ZNF30: variants seen among roughly 807,000 people sequenced by gnomAD.
ZNF30 encodes the protein zinc finger protein 30 (KOX 28).
A neutral mutation model predicts 13.2 loss-of-function variants in ZNF30; 15 were observed. That is an observed-to-expected ratio of 1.13 (90% CI 0.76 to 1.75). The LOEUF is 1.75. Ranked by LOEUF, ZNF30 falls within the 40% of genes most tolerant of loss-of-function variation. The pLI, the probability that ZNF30 is intolerant of heterozygous loss-of-function variation, is 0.00. For synonymous variants in ZNF30, 223 were observed against 256.6 expected (o/e 0.87, Z 1.25); for missense variants, 726 against 757.0 (o/e 0.96, Z 0.48).
intron 4 of ZNF30, 101 bp downstream of exon 4, chr19:34,933,824 A>C (rs779161485): frequency 2.4e-6 from 2 of 817,518 alleles, no homozygotes; most frequent in Non-Finnish European, 2.0e-6. Context: ...TTTCCCTTCA[A>C]AGCCCTAGGG....
At chr19:34,935,700 G>GTTTTTTTTTTT (rs142285130) in intron 4 of ZNF30, among the ~76,000 whole-genome samples, 4 of 84,222 alleles carry the variant, frequency 4.7e-5, no homozygotes, top group Admixed American at 1.2e-4. Context: ...GTTGTCTATA[G>GTTTTTTTTTTT]TTTTTTTTTT....
At chr19:34,925,207 C>A (rs183555061), upstream of ZNF30, among the ~76,000 whole-genome samples, 41 of 139,842 alleles carry the variant, frequency 2.9e-4, 1 homozygote, top group Admixed American at 2.8e-3. Context: ...CTTTAGCTGT[C>A]CGCAGGCGGC....
chr19:34,944,422 T>C lies in ZNF30; in HGVS notation c.1456T>C (p.Cys486Arg), dbSNP rs747773107. Residue 486 changes from cysteine (C) to arginine (R), a missense_variant, in exon 5 of 5, where the codon TGT becomes CGT. By Grantham distance (180) the Cys-to-Arg change is radical. Transcript: ENST00000601142. ...TCATACTGATGTAAAGCCCTATGAA[T>C]GTAAGGAATGTGGAAAGACTTTTAG... ...KIHTDVKPYE[C>R]KECGKTFSRA... 1.7e-5 allele frequency: 28 copies of C among 1,614,038 alleles called. 1 individual carries two copies. In the South Asian group the frequency reaches 2.9e-4, roughly 16 times the overall value.
chr19:34,932,276 A>C (rs8112400), intron 3 of ZNF30, among the ~76,000 whole-genome samples: 65,115 of 152,022 alleles, frequency 0.43, 15,402 homozygotes, highest in African/African-American at 0.64. Context: ...GAACAGCTAG[A>C]CAAAGGGTCT....
At chr19:34,926,793 TCAGACG>T (rs983566065), upstream of ZNF30, 40 of 395,890 alleles carry the variant, frequency 1.0e-4, no homozygotes, top group African/African-American at 8.0e-4. Flanking sequence ...GCCTCAGGTG[TCAGACG>T]CCCCAGCTTC....
rs202087912 is a variant in ZNF30 at position 34,931,867 on chromosome 19, G to A, written c.34G>A (p.Gly12Arg). The change falls in exon 3 of 5, where the codon GGA (glycine) becomes AGA (arginine). Residue 12 changes from glycine to arginine, a missense_variant. Coordinates refer to ENST00000601142, the MANE Select transcript of ZNF30 (RefSeq NM_194325.3). The part of the protein sequence containing the change: ...AHKYVGLQYH[G>R]SVTFEDVAIA... The stretch of plus-strand genomic sequence containing the variant: ...GAAATATGTGGGTTTGCAGTATCAC[G>A]GATCAGTGACATTTGAGGATGTGGC... The A allele has an allele frequency of 5.9e-5, 95 of 1,611,924 alleles. 1 individual carries two copies. The Admixed American group carries it at 7.6e-4, about 13-fold the overall frequency.
At chr19:34,939,139 CCCCTCCCCT>C (rs2012898028) in intron 4 of ZNF30, among the ~76,000 whole-genome samples, 3 of 94,594 alleles carry the variant, frequency 3.2e-5, no homozygotes, top group African/African-American at 1.4e-4. Context: ...CCCCTCCCCT[CCCCTCCCCT>C]CCCCTCCCTC....
chr19:34,941,849 T>A (rs775868671), intron 4 of ZNF30, among the ~76,000 whole-genome samples: 15 of 151,346 alleles, frequency 9.9e-5, no homozygotes, highest in Non-Finnish European at 2.1e-4. Flanking sequence ...TAAACAGTTT[T>A]GTCTCAATAT....
Position 34,944,215 on chromosome 19 carries a change from C to G in ZNF30, c.1249C>G (p.Gln417Glu), listed in dbSNP as rs781747110. 1.2e-6 allele frequency: 2 copies of G among 1,613,482 alleles called. No homozygotes were observed. The highest frequency in any genetic ancestry group is 2.7e-5 in the African/African-American group (2 of 74,712). ...CTTTAGTACTGGCTCATACCTTGTT[C>G]AGCATCAGAGGATCCATACTGGGGA... ...KAFSTGSYLV[Q>E]HQRIHTGEKP... Residue 417 changes from glutamine to glutamate, a missense_variant, in exon 5 of 5, where the codon CAG (glutamine) becomes GAG (glutamate). By Grantham distance (29) the Gln-to-Glu change is conservative. Transcript: ENST00000601142.
At position 34,928,248 on chromosome 19, in the gene ZNF30, TATATATAGATAGATAGATAG is replaced by T. The variant is rs1332002643; in HGVS notation, c.-65+1036_-65+1055del. The stretch of plus-strand genomic sequence containing the variant: ...ATATATATATATATATATATATATA[TATATATAGATAGATAGATAG>T]ATAGATACATAAATTAAATTAAGTG... On this transcript the variant is annotated intron_variant, in intron 1 of 4. Coordinates refer to ENST00000601142, the MANE Select transcript of ZNF30 (RefSeq NM_194325.3). 6.8e-4 allele frequency among the ~76,000 whole-genome samples: 36 copies of T among 53,042 alleles called. 1 individual carries two copies. The highest frequency in any genetic ancestry group is 4.1e-3 in the African/African-American group (25 of 6,112). The allele number at this position is 53,042 out of a possible 152,430, so 34.8% of individuals were successfully genotyped here.
chr19:34,928,208 T>TAAAAAAAA (rs386388919), intron 1 of ZNF30, among the ~76,000 whole-genome samples: 53 of 70,254 alleles, frequency 7.5e-4, no homozygotes, highest in African/African-American at 2.8e-3. Flanking sequence ...ATCCCTTCTC[T>TAAAAAAAA]AAAAAAAAAA....
chr19:34,928,842 C>CT (rs2012276503), intron 1 of ZNF30, among the ~76,000 whole-genome samples: 1 of 152,088 alleles, frequency 6.6e-6, no homozygotes, highest in Non-Finnish European at 1.5e-5. Context: ...AAATAAAAAT[C>CT]TCTTATGGTG....
rs144833648 is a variant in ZNF30, at chr19:34,944,592, T to A, written c.1626T>A (p.Cys542Ter). 936 of 1,614,146 alleles carry A rather than the reference T, an allele frequency of 5.8e-4. 3 individuals are homozygous for A. In the East Asian group the frequency reaches 9.0e-3, roughly 16 times the overall value. The change falls in exon 5 of 5, where the codon TGT becomes TGA. Residue 542 changes from cysteine to a stop codon, truncating the protein, a stop_gained. Transcript: ENST00000601142. LOFTEE classifies it low-confidence loss of function (END_TRUNC). ...RIHTGEKPYE[C>*]NKCGKAFTVY... ...ATACTGGGGAGAAACCCTATGAATG[T>A]AACAAATGTGGGAAAGCCTTTACTG...
upstream of ZNF30, among the ~76,000 whole-genome samples, chr19:34,924,771 G>A (rs1182395137): frequency 2.0e-5 from 3 of 152,062 alleles, no homozygotes; most frequent in African/African-American, 7.2e-5. Context: ...GTTTCAGAGG[G>A]TTTGAAAATG....
chr19:34,926,917 C>T lies in ZNF30; in HGVS notation c.-364C>T, dbSNP rs865882658. 23 of 398,270 alleles carry T rather than the reference C, an allele frequency of 5.8e-5. 1 individual carries two copies. The highest frequency in any genetic ancestry group is 4.5e-4 in the African/African-American group (22 of 48,604). 24.7% of individuals were successfully genotyped at this position (398,270 alleles called of 1,614,324 possible). A position where few individuals can be genotyped will look rare whatever the true frequency, so the allele number is the denominator to read the frequency against. On this transcript the variant is annotated 5_prime_UTR_variant, in exon 1 of 5. Transcript: ENST00000601142. ...CGGTGGGCGGCCTTGTGGACTGCGC[C>T]GGGCATGCTCGGCGGTGTGACGGCT...
At chr19:34,931,024 T>C (rs2012417927) in intron 2 of ZNF30, among the ~76,000 whole-genome samples, 1 of 146,142 alleles carries the variant, frequency 6.8e-6, no homozygotes, top group South Asian at 2.2e-4. Flanking sequence ...TCATTACTTT[T>C]TTTTTTCTTT....
chr19:34,934,044 A>G (rs1257360346), intron 4 of ZNF30, among the ~76,000 whole-genome samples: 1 of 152,002 alleles, frequency 6.6e-6, no homozygotes, highest in Non-Finnish European at 1.5e-5. Flanking sequence ...GGATTTATTC[A>G]TATATTCTTA....
chr19:34,937,189 T>A (rs1374188135), intron 4 of ZNF30, among the ~76,000 whole-genome samples: 1 of 151,866 alleles, frequency 6.6e-6, no homozygotes, highest in Non-Finnish European at 1.5e-5. Flanking sequence ...TTTTTTATAT[T>A]TTTAGTAGAG....
rs115801290 is a variant in ZNF30 at position 34,936,293 on chromosome 19, C to T, written c.256+2570C>T. Among the ~76,000 whole-genome samples the T allele has an allele frequency of 8.1e-3, 1,237 of 152,086 alleles. 22 individuals carry two copies. Among genetic ancestry groups the T allele is most frequent in the African/African-American group, 0.028 (1,162 of 41,450 alleles). ...TGATTAGGATGTTAATGGTGGACAG[C>T]GGTGAGAAGGCAGAGTGTTCATCAT... On this transcript the variant is annotated intron_variant, in intron 4 of 4. Transcript: ENST00000601142.
Sources: gnomAD v4.1 joint callset for allele counts (sites outside exome capture counted in the v4.1 genomes callset) on GRCh38, gnomAD v4.1.1 for gene constraint, MANE v1.5 for transcripts, NCBI Gene and HGNC (gene_info 2026-07-23, HGNC 2026-07-21) for gene names.